Variants in ACO1 observed in about 807,000 individuals in gnomAD.
ACO1 encodes aconitase 1.
In ACO1, 78 loss-of-function variants were observed where a neutral mutation model predicts 105.1. The observed-to-expected ratio is 0.74, with a 90% CI of 0.62 to 0.90. ACO1 has a LOEUF of 0.90. Ranked by LOEUF, ACO1 falls within the 40% of genes least tolerant of loss-of-function variation. ACO1 has a pLI of 0.00. For synonymous variants in ACO1, 364 were observed against 397.4 expected, an observed-to-expected ratio of 0.92 and a Z score of 1.00; for missense variants, 965 against 1,111.1, an observed-to-expected ratio of 0.87 and a Z score of 1.87.
chr9:32,427,327 G>A lies in ACO1; in HGVS notation c.1375G>A (p.Ala459Thr). The A allele has an allele frequency of 6.2e-7, 1 of 1,614,226 alleles. No individual in the cohort carries two copies. Among genetic ancestry groups the A allele is most frequent in the Non-Finnish European group, 8.5e-7 (1 of 1,180,036 alleles). The change falls in exon 12 of 21, where the codon GCT (alanine) becomes ACT (threonine). Residue 459 changes from alanine (A) to threonine (T), a missense_variant. Physicochemically the swap from Ala to Thr is moderately conservative, Grantham distance 58 (BLOSUM62 0). Transcript: ENST00000309951. Reference sequence around the variant, plus strand: ...ATTGTTAGCAAAGAAAGCTGTGGATGCTGGCCTGAACGTGATGCCTTACAT... The same window carrying A: ...ATTGTTAGCAAAGAAAGCTGTGGATACTGGCCTGAACGTGATGCCTTACAT... Reference protein sequence around the residue: ...AGLLAKKAVDAGLNVMPYIKT... With the variant: ...AGLLAKKAVDTGLNVMPYIKT...
At position 32,418,428 on chromosome 9, in the gene ACO1, AG is replaced by A; in HGVS notation, c.577del (p.Asp193MetfsTer18). The A allele has an allele frequency of 6.2e-7, 1 of 1,614,240 alleles. No individual in the cohort carries two copies. Among genetic ancestry groups the A allele is most frequent in the Non-Finnish European group, 8.5e-7 (1 of 1,180,030 alleles). ...TATTTGGCAAGAGTGGTATTTGATC[AG>A]GATGGATATTATTACCCAGACAGCC... ...LEYLARVVFD[Q>X]DGYYYPDSLV... On this transcript the variant is annotated frameshift_variant, in exon 6 of 21. Coordinates refer to ENST00000309951, the MANE Select transcript of ACO1 (RefSeq NM_002197.3). LOFTEE classifies it high-confidence loss of function.
At chr9:32,442,052 G>T (rs1822492695) in intron 19 of ACO1, among the ~76,000 whole-genome samples, 1 of 152,004 alleles carries the variant, frequency 6.6e-6, no homozygotes, top group Non-Finnish European at 1.5e-5. Flanking sequence ...TCTCTCTGTA[G>T]CAGTGCGTCT....
In ACO1 at chr9:32,419,139, C is replaced by T. The variant is rs1436948532; in HGVS notation, c.760C>T (p.Leu254=). The change falls in exon 7 of 21, where the codon CTG becomes TTG. Residue 254 remains leucine, a synonymous_variant. Coordinates refer to ENST00000309951, the MANE Select transcript of ACO1 (RefSeq NM_002197.3). ...CAGGCTGATGGGGAAGCCCCACCCT[C>T]TGGTAACATCCACTGACATCGTGCT... The part of the protein sequence containing the change: ...GYRLMGKPHP[L]VTSTDIVLTI... 1.9e-6 allele frequency: 3 copies of T among 1,605,840 alleles called. No individual in the cohort carries two copies.
intron 1 of ACO1, 95 bp downstream of exon 1, chr9:32,384,830 C>T (rs1384431423): frequency 4.0e-6 from 1 of 246,964 alleles, no homozygotes; most frequent in Non-Finnish European, 8.8e-6. Flanking sequence ...CCGAGGTGCC[C>T]GAGGCAGTGG....
At chr9:32,405,980 T>C (rs1206755489) in intron 2 of ACO1, among the ~76,000 whole-genome samples, 3 of 152,218 alleles carry the variant, frequency 2.0e-5, no homozygotes, top group African/African-American at 7.2e-5. Context: ...AAGAACACAG[T>C]CTTTTTTATT....
At chr9:32,436,481 G>C (rs1340119079) in intron 18 of ACO1, 84 bp downstream of exon 18, 15 of 1,548,562 alleles carry the variant, frequency 9.7e-6, no homozygotes, top group Admixed American at 1.7e-5. Context: ...CTCGCCTTTT[G>C]GTTTTAGTTT....
At chr9:32,387,965 G>T (rs1366596251) in intron 1 of ACO1, among the ~76,000 whole-genome samples, 1 of 152,200 alleles carries the variant, frequency 6.6e-6, no homozygotes, top group African/African-American at 2.4e-5. Context: ...CAAGATGGAC[G>T]TAGCGGGCAG....
chr9:32,448,930 G>T lies in ACO1; in HGVS notation c.2405G>T (p.Arg802Leu). ...IKAVLAESYE[R>L]IHRSNLVGMG... ...GCCGTCCTGGCCGAGAGCTACGAGC[G>T]CATTCACCGCAGTAACCTGGTTGGG... Residue 802 changes from arginine (R) to leucine (L), a missense_variant, in exon 20 of 21, where the codon CGC becomes CTC. Physicochemically the swap from Arg to Leu is moderately radical, Grantham distance 102. Transcript: ENST00000309951. 6.2e-7 allele frequency: 1 copy of T among 1,614,198 alleles called. No homozygotes were observed. Among genetic ancestry groups the T allele is most frequent in the South Asian group, 1.1e-5 (1 of 91,084 alleles).
chr9:32,412,128 T>C (rs1821753010), intron 4 of ACO1, among the ~76,000 whole-genome samples: 2 of 152,224 alleles, frequency 1.3e-5, no homozygotes, highest in Non-Finnish European at 2.9e-5. Context: ...ACATTCTAAA[T>C]GTCCAACAAA....
intron 1 of ACO1, among the ~76,000 whole-genome samples, chr9:32,395,520 T>C (rs1426657096): frequency 2.0e-5 from 3 of 152,026 alleles, no homozygotes; most frequent in Non-Finnish European, 4.4e-5. Flanking sequence ...CAGTAGGGCT[T>C]AGTTGAGGTA....
intron 15 of ACO1, among the ~76,000 whole-genome samples, chr9:32,432,689 C>T (rs976811755): frequency 5.3e-5 from 8 of 152,342 alleles, no homozygotes; most frequent in African/African-American, 1.7e-4. Flanking sequence ...GTAATTTCCC[C>T]TTTGGTACAA....
chr9:32,453,160 A>G lies in ACO1; in HGVS notation c.*3049A>G, dbSNP rs552317160. The stretch of plus-strand genomic sequence containing the variant: ...CCTGTTTGTTTGGATAGTTTTCCAA[A>G]TTCATTACTGCATTCCTGGCATCCG... On this transcript the variant is annotated 3_prime_UTR_variant, in exon 21 of 21. Transcript: ENST00000309951. 30 of 152,156 alleles carry G rather than the reference A, an allele frequency of 2.0e-4. No individual in the cohort carries two copies. The highest frequency in any genetic ancestry group is 7.2e-4 in the African/African-American group (30 of 41,514). 9.4% of individuals were successfully genotyped at this position (152,156 alleles called of 1,614,324 possible).
chr9:32,423,863 T>G (rs768645933), intron 9 of ACO1, among the ~76,000 whole-genome samples: 2 of 152,114 alleles, frequency 1.3e-5, no homozygotes, highest in African/African-American at 2.4e-5. Context: ...AAAGAACTTA[T>G]TCATGTAACC....
At position 32,409,038 on chromosome 9, in the gene ACO1, C is replaced by G. The variant is rs866668474; in HGVS notation, c.404+387C>G. Among the ~76,000 whole-genome samples the G allele has an allele frequency of 6.6e-5, 10 of 152,294 alleles. No homozygotes were observed. The South Asian group carries it at 2.1e-3, about 32-fold the overall frequency. On this transcript the variant is annotated intron_variant, in intron 4 of 20. Coordinates refer to ENST00000309951, the MANE Select transcript of ACO1 (RefSeq NM_002197.3). ...TTTTTTTGATCCCAAGTAACTGTTG[C>G]ATATCTAGCGATCTCTGCCTCTTCA...
In ACO1 at chr9:32,439,346, T is replaced by C. The variant is rs190179645; in HGVS notation, c.2248-1119T>C. On this transcript the variant is annotated intron_variant, in intron 18 of 20. Transcript: ENST00000309951. The surrounding 1 kb of genome is among the most constrained non-coding windows in gnomAD (Gnocchi z 4.0). ...GTCTAGCTGAAGACATACAGAATCC[T>C]ATCCGGGTTTAGGTAATGCATGCGA... Among the ~76,000 whole-genome samples the C allele has an allele frequency of 2.0e-3, 299 of 152,352 alleles. No homozygotes were observed. Among genetic ancestry groups the C allele is most frequent in the African/African-American group, 6.9e-3 (286 of 41,572 alleles).
intron 1 of ACO1, among the ~76,000 whole-genome samples, chr9:32,385,194 A>G (rs1295195937): frequency 1.3e-5 from 2 of 152,114 alleles, no homozygotes; most frequent in Non-Finnish European, 2.9e-5. Context: ...ATGAGGGGGA[A>G]GAGACCCTTC....
chr9:32,423,630 A>C (rs769563294), intron 9 of ACO1, among the ~76,000 whole-genome samples: 12 of 152,230 alleles, frequency 7.9e-5, no homozygotes, highest in Non-Finnish European at 1.6e-4. Flanking sequence ...CTACTGGCTT[A>C]ATAATTGTAG....
intron 1 of ACO1, among the ~76,000 whole-genome samples, chr9:32,396,001 G>A (rs1301533933): frequency 6.6e-6 from 1 of 152,204 alleles, no homozygotes; most frequent in East Asian, 1.9e-4. Context: ...GCCTGGTCAG[G>A]CATTGCTATA....
At chr9:32,389,046 T>G (rs923420610) in intron 1 of ACO1, among the ~76,000 whole-genome samples, 1 of 152,242 alleles carries the variant, frequency 6.6e-6, no homozygotes, top group African/African-American at 2.4e-5. Context: ...AATGTTTGAC[T>G]CTTGTCCAGG....
Sources: gnomAD v4.1 joint callset for allele counts (sites outside exome capture counted in the v4.1 genomes callset) on GRCh38, gnomAD v4.1.1 for gene constraint, Gnocchi (gnomAD v3.1) non-coding constraint, MANE v1.5 for transcripts, NCBI Gene and HGNC (gene_info 2026-07-23, HGNC 2026-07-21) for gene names.